SIPA1L1: variants seen among roughly 807,000 people sequenced by gnomAD.
SIPA1L1 encodes signal-induced proliferation-associated 1-like protein 1.
In SIPA1L1, 26 loss-of-function variants were observed where a neutral mutation model predicts 162.7. The ratio of observed to expected loss-of-function variants is 0.16; its 90% CI spans 0.12 to 0.22. The LOEUF is 0.22. Among genes scored for constraint, SIPA1L1 ranks in the 10% least tolerant of loss-of-function variants. SIPA1L1 has a pLI of 1.00. For missense variants in SIPA1L1, 1,874 were observed against 2,241.0 expected, an observed-to-expected ratio of 0.84 and a Z score of 3.31; for synonymous variants, 829 against 837.4, an observed-to-expected ratio of 0.99 and a Z score of 0.17.
intron 2 of SIPA1L1, among the ~76,000 whole-genome samples, chr14:71,496,391 G>A (rs1043716175): frequency 6.6e-6 from 1 of 151,864 alleles, no homozygotes; most frequent in Non-Finnish European, 1.5e-5. Flanking sequence ...TGGGTTGTTT[G>A]GATGTTATTG....
intron 7 of SIPA1L1, among the ~76,000 whole-genome samples, chr14:71,647,855 A>G (rs1203134164): frequency 6.6e-6 from 1 of 152,050 alleles, no homozygotes; most frequent in African/African-American, 2.4e-5. Context: ...GCCCGCTAAG[A>G]AAGGGGTTAA....
At chr14:71,702,550 G>A (rs763352903) in intron 15 of SIPA1L1, 45 bp downstream of exon 15, 2 of 1,582,874 alleles carry the variant, frequency 1.3e-6, no homozygotes, top group Admixed American at 3.5e-5. Context: ...TTTACAAGGT[G>A]ACTTAGGTCA....
chr14:71,544,431 C>A (rs34169215), intron 4 of SIPA1L1, among the ~76,000 whole-genome samples: 24,602 of 151,796 alleles, frequency 0.16, 2,604 homozygotes, highest in Middle Eastern at 0.35. Flanking sequence ...CTTGCCTGTT[C>A]ATTTTCTTAA....
At chr14:71,420,118 GTTAA>G (rs1323185920) in intron 2 of SIPA1L1, among the ~76,000 whole-genome samples, 3 of 152,168 alleles carry the variant, frequency 2.0e-5, no homozygotes, top group Non-Finnish European at 2.9e-5. Context: ...TAGTGGAAAA[GTTAA>G]TTAAGCAAAT....
chr14:71,565,478 T>G (rs2030281001), intron 4 of SIPA1L1, among the ~76,000 whole-genome samples: 1 of 152,236 alleles, frequency 6.6e-6, no homozygotes, highest in Non-Finnish European at 1.5e-5. Context: ...AAAAATTAAT[T>G]GCATTTCAAG....
At chr14:71,684,390 C>T (rs1250091461) in intron 12 of SIPA1L1, among the ~76,000 whole-genome samples, 1 of 152,264 alleles carries the variant, frequency 6.6e-6, no homozygotes, top group Non-Finnish European at 1.5e-5. Flanking sequence ...CCCCCATCTC[C>T]ATGTCTCACC....
At chr14:71,706,028 A>G (rs1393553311) in intron 16 of SIPA1L1, among the ~76,000 whole-genome samples, 1 of 152,030 alleles carries the variant, frequency 6.6e-6, no homozygotes, top group Non-Finnish European at 1.5e-5. Context: ...TATTCACGTC[A>G]TTCTATAGAA....
At chr14:71,572,605 C>T (rs909915437) in intron 4 of SIPA1L1, among the ~76,000 whole-genome samples, 1 of 152,136 alleles carries the variant, frequency 6.6e-6, no homozygotes, top group Non-Finnish European at 1.5e-5. Flanking sequence ...TTCAGGAGAC[C>T]TAGAGATCAG....
Position 71,722,550 on chromosome 14 carries a change from G to A in SIPA1L1, c.4209-1097G>A, listed in dbSNP as rs1269792083. Among the ~76,000 whole-genome samples the A allele has an allele frequency of 6.6e-5, 10 of 152,276 alleles. No individual in the cohort carries two copies. In the East Asian group the frequency reaches 1.9e-3, roughly 29 times the overall value. On this transcript the variant is annotated intron_variant, in intron 17 of 23. Transcript: ENST00000381232. Reference sequence around the variant, plus strand: ...TGGAGAACTCAGAAAGGCTCAAATAGTGTGGTCCTGTGAGACCACTGGGCA... The same window carrying A: ...TGGAGAACTCAGAAAGGCTCAAATAATGTGGTCCTGTGAGACCACTGGGCA...
At chr14:71,682,496 C>T (rs2045897806) in intron 12 of SIPA1L1, among the ~76,000 whole-genome samples, 1 of 152,202 alleles carries the variant, frequency 6.6e-6, no homozygotes, top group Non-Finnish European at 1.5e-5. Context: ...TGAAGTTTAG[C>T]TCTGCAGAAC....
chr14:71,684,525 A>G (rs544731456), intron 12 of SIPA1L1, among the ~76,000 whole-genome samples: 11 of 152,384 alleles, frequency 7.2e-5, no homozygotes, highest in African/African-American at 2.4e-4. Flanking sequence ...TCGCTGGTCC[A>G]AAGTGAAATG....
At chr14:71,731,324 T>G (rs1392071016) in intron 20 of SIPA1L1, among the ~76,000 whole-genome samples, 4 of 144,582 alleles carry the variant, frequency 2.8e-5, no homozygotes, top group Non-Finnish European at 6.1e-5. Flanking sequence ...CAGCTTCCCC[T>G]GCTCCTTAAA....
chr14:71,487,562 T>C (rs547447683), intron 2 of SIPA1L1, among the ~76,000 whole-genome samples: 3 of 152,258 alleles, frequency 2.0e-5, no homozygotes, highest in African/African-American at 7.2e-5. Flanking sequence ...TAGGTACCCA[T>C]TAAATATGTA....
chr14:71,638,456 T>G (rs187289750), intron 7 of SIPA1L1, among the ~76,000 whole-genome samples: 1 of 152,294 alleles, frequency 6.6e-6, no homozygotes, highest in East Asian at 1.9e-4. Flanking sequence ...TAATATCAAT[T>G]GGTGCAGAAA....
chr14:71,730,893 T>C (rs1203654061), intron 20 of SIPA1L1, among the ~76,000 whole-genome samples: 1 of 152,224 alleles, frequency 6.6e-6, no homozygotes, highest in Non-Finnish European at 1.5e-5. Flanking sequence ...CCCAGTTTTA[T>C]TAAGGGCCAC....
intron 4 of SIPA1L1, among the ~76,000 whole-genome samples, chr14:71,579,187 A>C (rs142486684): frequency 2.0e-4 from 30 of 152,312 alleles, no homozygotes; most frequent in African/African-American, 7.0e-4. Flanking sequence ...GATACATTTT[A>C]GCTCCTTAAG....
chr14:71,732,281 C>G (rs138318262), intron 20 of SIPA1L1, among the ~76,000 whole-genome samples: 1 of 152,314 alleles, frequency 6.6e-6, no homozygotes, highest in Non-Finnish European at 1.5e-5. Context: ...ACAGGTCTTT[C>G]TGGAGTCACT....
chr14:71,397,040 G>T (rs1425610814), intron 2 of SIPA1L1, among the ~76,000 whole-genome samples: 1 of 152,128 alleles, frequency 6.6e-6, no homozygotes, highest in East Asian at 1.9e-4. Context: ...TTCTAGGACC[G>T]GCCTCTGTGT....
At chr14:71,716,765 C>G (rs965563773) in intron 17 of SIPA1L1, among the ~76,000 whole-genome samples, 1 of 152,184 alleles carries the variant, frequency 6.6e-6, no homozygotes, top group Non-Finnish European at 1.5e-5. Flanking sequence ...TCTAGCATCC[C>G]CTCCTATAAA....
Sources: allele counts gnomAD v4.1 joint callset (sites outside exome capture counted in the v4.1 genomes callset), GRCh38; gene constraint gnomAD v4.1.1; transcripts MANE v1.5; gene names NCBI Gene and HGNC (gene_info 2026-07-23, HGNC 2026-07-21).